Variants in ATAD2B observed in about 807,000 individuals in gnomAD.
The protein encoded by ATAD2B is ATPase family AAA domain containing 2B.
ATAD2B carries 40 observed loss-of-function variants against 167.6 expected under a neutral mutation model. The ratio of observed to expected loss-of-function variants is 0.24; its 90% CI spans 0.19 to 0.31. ATAD2B has a LOEUF of 0.31. ATAD2B is among the 10% of genes least tolerant of loss of function. The probability of loss-of-function intolerance (pLI) is 1.00; values close to 1 mark genes in which losing one functional copy is unlikely to be tolerated. For missense variants in ATAD2B, 1,242 were observed against 1,757.2 expected (o/e 0.71, Z 5.24); for synonymous variants, 579 against 596.5 (o/e 0.97, Z 0.43).
chr2:23,830,968 G>A (rs927082025), intron 14 of ATAD2B, among the ~76,000 whole-genome samples: 1 of 151,810 alleles, frequency 6.6e-6, no homozygotes, highest in Non-Finnish European at 1.5e-5. Context: ...AGGTTAGCAA[G>A]TTATCTTCAG....
chr2:23,691,875 C>G, the ATAD2B span: 5 of 1,548,308 alleles, frequency 3.2e-6, no homozygotes, highest in Admixed American at 9.8e-5. Context: ...TGTCCTTTCT[C>G]GGTGAGCCCG....
chr2:23,714,773 T>C, the ATAD2B span, among the ~76,000 whole-genome samples: 2 of 151,478 alleles, frequency 1.3e-5, no homozygotes, highest in East Asian at 3.9e-4. Context: ...GAGAATCACT[T>C]GAACCCAGGA....
chr2:23,686,495 C>T, the ATAD2B span, among the ~76,000 whole-genome samples: 1 of 152,086 alleles, frequency 6.6e-6, no homozygotes, highest in African/African-American at 2.4e-5. Context: ...GGTCTCCTTG[C>T]AGCTCTGACA....
At chr2:23,774,998 A>G (rs1678869313) in intron 22 of ATAD2B, among the ~76,000 whole-genome samples, 1 of 152,214 alleles carries the variant, frequency 6.6e-6, no homozygotes, top group Non-Finnish European at 1.5e-5. Flanking sequence ...ATGCCTATAC[A>G]GATCCTGTTC....
intron 13 of ATAD2B, among the ~76,000 whole-genome samples, chr2:23,856,610 C>A (rs974080040): frequency 2.0e-5 from 3 of 152,284 alleles, no homozygotes; most frequent in Non-Finnish European, 4.4e-5. Context: ...TCTATAATCC[C>A]AGCACTTTGG....
At position 23,754,165 on chromosome 2, in the gene ATAD2B, A is replaced by C; in HGVS notation, c.4335+14T>G. 6.7e-7 allele frequency: 1 copy of C among 1,492,852 alleles called. No homozygotes were observed. Among genetic ancestry groups the C allele is most frequent in the Non-Finnish European group, 8.9e-7 (1 of 1,123,908 alleles). 92.5% of individuals were successfully genotyped at this position (1,492,852 alleles called of 1,614,324 possible). ...CAAGTATTTGTTTATTCTACAGATA[A>C]ACTAAACACTTACCTCTACAAGTTG... On this transcript the variant is annotated intron_variant, in intron 27 of 27. Transcript: ENST00000238789.
the ATAD2B span, among the ~76,000 whole-genome samples, chr2:23,714,475 C>T: frequency 4.7e-5 from 7 of 150,114 alleles, no homozygotes; most frequent in East Asian, 1.0e-3. Context: ...CTCCTGACCT[C>T]GTGATCCACC....
intron 3 of ATAD2B, 130 bp downstream of exon 3, chr2:23,888,220 G>C (rs1698975071): frequency 2.7e-6 from 2 of 740,520 alleles, no homozygotes; most frequent in African/African-American, 3.8e-5. Flanking sequence ...TTTTTACTAT[G>C]ACTGAAATTC....
the ATAD2B span, chr2:23,693,430 G>A: frequency 9.0e-6 from 14 of 1,551,598 alleles, no homozygotes; most frequent in East Asian, 2.4e-5. Flanking sequence ...CGACTTCATC[G>A]CCTACGTCTC....
intron 22 of ATAD2B, among the ~76,000 whole-genome samples, chr2:23,778,486 A>G (rs10490751): frequency 0.12 from 18,307 of 152,218 alleles, 1,176 homozygotes; most frequent in Middle Eastern, 0.21. Flanking sequence ...AATAAGCACA[A>G]AGTATAAAGG....
the ATAD2B span, chr2:23,706,429 G>C: frequency 2.2e-6 from 3 of 1,368,964 alleles, no homozygotes; most frequent in East Asian, 8.7e-5. Context: ...CCTATCTCCA[G>C]GGCCAAGTTG....
At chr2:23,871,385 G>A (rs1222621459) in intron 8 of ATAD2B, among the ~76,000 whole-genome samples, 1 of 151,898 alleles carries the variant, frequency 6.6e-6, no homozygotes, top group Admixed American at 6.6e-5. Flanking sequence ...CCTACTTTTT[G>A]AACATAACCT....
intron 10 of ATAD2B, among the ~76,000 whole-genome samples, chr2:23,866,960 C>T (rs914173891): frequency 6.6e-6 from 1 of 152,086 alleles, no homozygotes; most frequent in Non-Finnish European, 1.5e-5. Context: ...GAGTCTTGTG[C>T]CTGTTTTTGT....
the ATAD2B span, among the ~76,000 whole-genome samples, chr2:23,698,653 T>C: frequency 2.0e-5 from 3 of 152,228 alleles, no homozygotes; most frequent in Non-Finnish European, 4.4e-5. Flanking sequence ...CAAACCTGTA[T>C]TATATCATTA....
the ATAD2B span, chr2:23,696,356 C>G: frequency 2.4e-5 from 37 of 1,551,628 alleles, no homozygotes; most frequent in African/African-American, 4.8e-4. This position sits in a 1 kb window ranked among gnomAD's most constrained non-coding sequence, Gnocchi z 5.5. Flanking sequence ...AGGGGTGACG[C>G]TGGCTGATGT....
chr2:23,834,700 T>C (rs911356818), intron 13 of ATAD2B, among the ~76,000 whole-genome samples: 1 of 150,824 alleles, frequency 6.6e-6, no homozygotes, highest in African/African-American at 2.4e-5. Flanking sequence ...TGATAATATA[T>C]ATAATGAACA....
At chr2:23,715,467 G>A in the ATAD2B span, among the ~76,000 whole-genome samples, 66 of 152,072 alleles carry the variant, frequency 4.3e-4, no homozygotes, top group East Asian at 7.2e-3. Flanking sequence ...CCAGCTACTC[G>A]GGAGGCTGAG....
intron 12 of ATAD2B, 100 bp downstream of exon 12, chr2:23,863,281 C>T: frequency 1.6e-6 from 2 of 1,216,900 alleles, no homozygotes; most frequent in Non-Finnish European, 2.3e-6. Flanking sequence ...TGCACTCACT[C>T]CAGCCTGGGT....
chr2:23,874,241 C>T (rs1047272561), intron 8 of ATAD2B, among the ~76,000 whole-genome samples: 2 of 149,802 alleles, frequency 1.3e-5, no homozygotes, highest in Non-Finnish European at 3.0e-5. Flanking sequence ...CTATACAAAA[C>T]AAACTCAAAC....
Sources: gnomAD v4.1 joint callset for allele counts (sites outside exome capture counted in the v4.1 genomes callset) on GRCh38, gnomAD v4.1.1 for gene constraint, Gnocchi (gnomAD v3.1) non-coding constraint, MANE v1.5 for transcripts, NCBI Gene and HGNC (gene_info 2026-07-23, HGNC 2026-07-21) for gene names.